The following SLC39A12 variants were observed in gnomAD, a reference collection of about 807,000 sequenced individuals.
SLC39A12 encodes the protein solute carrier family 39 member 12.
SLC39A12 carries 63 observed loss-of-function variants against 71.1 expected under a neutral mutation model. The ratio of observed to expected loss-of-function variants is 0.89; its 90% confidence interval spans 0.72 to 1.09. The LOEUF (loss-of-function observed/expected upper bound fraction) is 1.09, where lower values mean the gene tolerates loss of function less well. Among genes scored for constraint, SLC39A12 ranks in the 50% least tolerant of loss-of-function variants. SLC39A12 has a pLI of 0.00. For synonymous variants in SLC39A12, 351 were observed against 301.3 expected (o/e 1.16, Z -1.71); for missense variants, 892 against 812.6 (o/e 1.10, Z -1.19).
chr10:18,005,334 T>G (rs1015846036), intron 12 of SLC39A12: 1 of 152,232 alleles, frequency 6.6e-6, no homozygotes, highest in African/African-American at 2.4e-5. Flanking sequence ...TTTCCAGCTT[T>G]GTTGTGACTT....
Position 17,965,664 on chromosome 10 carries a change from A to G in SLC39A12, c.725A>G (p.Asn242Ser). 1.2e-6 allele frequency: 2 copies of G among 1,614,094 alleles called. No homozygotes were observed. The highest frequency in any genetic ancestry group is 1.7e-6 in the Non-Finnish European group (2 of 1,179,966). Residue 242 changes from asparagine to serine, a missense_variant, in exon 4 of 13, where the codon AAT (asparagine) becomes AGT (serine). Coordinates refer to ENST00000377369, the MANE Select transcript of SLC39A12 (RefSeq NM_001145195.2). The part of the protein sequence containing the change: ...YFTEYIFSSL[N>S]RTNTLRLSEL... ...ACAGAATATATTTTCAGTTCCTTGA[A>G]TCGTACGAATACCCTCCGCCTATCA...
intron 12 of SLC39A12, among the ~76,000 whole-genome samples, chr10:18,034,356 T>C (rs1448612842): frequency 6.6e-6 from 1 of 152,098 alleles, no homozygotes; most frequent in East Asian, 1.9e-4. Flanking sequence ...GCATATATAT[T>C]TAGGATAGTT....
intron 9 of SLC39A12, among the ~76,000 whole-genome samples, chr10:17,994,716 C>T (rs1835641443): frequency 6.6e-6 from 1 of 152,132 alleles, no homozygotes; most frequent in African/African-American, 2.4e-5. Flanking sequence ...CTCAGCTATC[C>T]TTCTCCAAAA....
intron 12 of SLC39A12, among the ~76,000 whole-genome samples, chr10:18,037,360 G>T (rs141248764): frequency 2.0e-5 from 3 of 151,980 alleles, no homozygotes; most frequent in African/African-American, 7.3e-5. Context: ...AGACCAATTC[G>T]CCCTTGGTCA....
At chr10:18,036,792 A>ATTTTTTTTTTT (rs1176352939) in intron 12 of SLC39A12, among the ~76,000 whole-genome samples, 1 of 84,650 alleles carries the variant, frequency 1.2e-5, no homozygotes, top group African/African-American at 4.8e-5. Flanking sequence ...ATATATATAT[A>ATTTTTTTTTTT]TATTTTTTTT....
At chr10:18,014,337 T>G (rs1300938929) in intron 12 of SLC39A12, among the ~76,000 whole-genome samples, 2 of 152,196 alleles carry the variant, frequency 1.3e-5, no homozygotes, top group Non-Finnish European at 2.9e-5. Flanking sequence ...TATTTGGATT[T>G]TGTTTTAACA....
At chr10:18,042,642 C>G (rs931883316) in intron 12 of SLC39A12, 63 bp from the exon 13 acceptor site, 2 of 1,516,674 alleles carry the variant, frequency 1.3e-6, no homozygotes, top group Admixed American at 2.2e-5. Flanking sequence ...TGTTTTCCCA[C>G]CAAGCTTTTC....
At chr10:17,956,175 G>A (rs1488971735) in intron 2 of SLC39A12, among the ~76,000 whole-genome samples, 1 of 152,076 alleles carries the variant, frequency 6.6e-6, no homozygotes, top group Admixed American at 6.5e-5. Context: ...TGTGCTCCCC[G>A]GGGAGATCTC....
At chr10:17,981,829 T>A (rs60740052) in intron 6 of SLC39A12, among the ~76,000 whole-genome samples, 19,292 of 151,888 alleles carry the variant, frequency 0.13, 1,304 homozygotes, top group Non-Finnish European at 0.14. Flanking sequence ...TTTATATGAA[T>A]TAATTATGTC....
intron 2 of SLC39A12, among the ~76,000 whole-genome samples, chr10:17,955,507 C>A (rs1271353979): frequency 3.3e-5 from 5 of 152,302 alleles, no homozygotes; most frequent in African/African-American, 9.6e-5. Flanking sequence ...CTGGCGCGAA[C>A]CACAGAGCTT....
chr10:18,025,794 C>A (rs1836662315), intron 12 of SLC39A12, among the ~76,000 whole-genome samples: 1 of 152,072 alleles, frequency 6.6e-6, no homozygotes, highest in African/African-American at 2.4e-5. Context: ...GTTCTAGCTC[C>A]CTGAGGAATC....
intron 3 of SLC39A12, among the ~76,000 whole-genome samples, chr10:17,962,550 GT>G (rs781934437): frequency 9.5e-4 from 136 of 142,478 alleles, no homozygotes; most frequent in Middle Eastern, 3.7e-3. Flanking sequence ...TAAGCCACGG[GT>G]TTTTTTTTTT....
At chr10:17,965,401 T>G in intron 3 of SLC39A12, 82 bp from the exon 4 acceptor site, 4 of 1,308,606 alleles carry the variant, frequency 3.1e-6, no homozygotes, top group Non-Finnish European at 4.3e-6. Context: ...TCCTTATCCC[T>G]TTAGGGGGAA....
At chr10:18,023,902 G>C (rs1836603672) in intron 12 of SLC39A12, among the ~76,000 whole-genome samples, 1 of 152,114 alleles carries the variant, frequency 6.6e-6, no homozygotes, top group South Asian at 2.1e-4. Flanking sequence ...GCAGGGACAG[G>C]GACCCCTGTG....
At chr10:18,023,949 T>C (rs573011935) in intron 12 of SLC39A12, among the ~76,000 whole-genome samples, 104 of 152,264 alleles carry the variant, frequency 6.8e-4, no homozygotes, top group Non-Finnish European at 1.1e-3. Flanking sequence ...AACTGTGGTA[T>C]GCTGGAGGCC....
chr10:18,025,041 A>T (rs543310486), intron 12 of SLC39A12, among the ~76,000 whole-genome samples: 7 of 152,084 alleles, frequency 4.6e-5, no homozygotes, highest in African/African-American at 1.4e-4. Flanking sequence ...CACTGTTATA[A>T]TCTCTGTCTT....
intron 5 of SLC39A12, among the ~76,000 whole-genome samples, chr10:17,979,943 C>T (rs142915177): frequency 2.6e-5 from 4 of 151,712 alleles, no homozygotes; most frequent in African/African-American, 4.9e-5. Flanking sequence ...TGTGAGTTTA[C>T]GAGAGAAGGC....
chr10:18,006,833 A>T (rs573106572), intron 12 of SLC39A12, among the ~76,000 whole-genome samples: 2 of 152,262 alleles, frequency 1.3e-5, no homozygotes, highest in African/African-American at 4.8e-5. Context: ...CCATCACATC[A>T]AAGAAGCCCA....
chr10:17,977,502 T>G (rs1835139456), intron 4 of SLC39A12, among the ~76,000 whole-genome samples: 1 of 152,218 alleles, frequency 6.6e-6, no homozygotes, highest in African/African-American at 2.4e-5. Context: ...TTGACTGCCA[T>G]ACCATAGTTG....
Sources: allele counts gnomAD v4.1 joint callset (sites outside exome capture counted in the v4.1 genomes callset), GRCh38; gene constraint gnomAD v4.1.1; transcripts MANE v1.5; gene names NCBI Gene and HGNC (gene_info 2026-07-23, HGNC 2026-07-21).